The following IGFBPL1 variants were observed in gnomAD, a reference collection of about 807,000 sequenced individuals.
IGFBPL1 encodes insulin like growth factor binding protein like 1, also known as insulin-like growth factor-binding protein-like 1.
In IGFBPL1, 20 loss-of-function variants were observed where a neutral mutation model predicts 23.9. The observed-to-expected ratio is 0.84, with a 90% CI of 0.59 to 1.22. IGFBPL1 has a LOEUF of 1.22. Ranked by LOEUF, IGFBPL1 falls within the 50% of genes most tolerant of loss-of-function variation. The pLI is 0.00. For missense variants in IGFBPL1, 436 were observed against 379.3 expected (o/e 1.15, Z -1.24); for synonymous variants, 184 against 171.8 (o/e 1.07, Z -0.56).
Position 38,414,147 on chromosome 9 carries a change from C to A in IGFBPL1, c.517G>T (p.Gly173Cys). The A allele has an allele frequency of 6.2e-7, 1 of 1,612,542 alleles. No homozygotes were observed. The highest frequency in any genetic ancestry group is 1.1e-5 in the South Asian group (1 of 90,896). Reference protein sequence around the residue: ...SVHNVTGAQVGLSCEVRAVPT... With the variant: ...SVHNVTGAQVCLSCEVRAVPT... ...ACAGCCCTCACTTCACAGGACAGGC[C>A]CACCTGCGCCCCGGTGACGTTGTGA... The change falls in exon 2 of 5, where the codon GGC becomes TGC. Residue 173 changes from glycine to cysteine, a missense_variant. Gly to Cys is a radical substitution (Grantham distance 159). Coordinates refer to ENST00000377694, the MANE Select transcript of IGFBPL1 (RefSeq NM_001007563.3).
intron 1 of IGFBPL1, among the ~76,000 whole-genome samples, chr9:38,419,757 A>C (rs575412187): frequency 5.3e-5 from 8 of 152,222 alleles, no homozygotes; most frequent in Non-Finnish European, 1.2e-4. Context: ...CCACCTTACC[A>C]GTGAGAAGCT....
intron 1 of IGFBPL1, among the ~76,000 whole-genome samples, chr9:38,420,025 G>T (rs183163395): frequency 6.6e-6 from 1 of 152,258 alleles, no homozygotes; most frequent in East Asian, 1.9e-4. Context: ...AAGTAGCTGG[G>T]ACTACAGGCA....
intron 1 of IGFBPL1, among the ~76,000 whole-genome samples, chr9:38,419,638 C>T (rs1490886336): frequency 2.0e-5 from 3 of 152,076 alleles, no homozygotes; most frequent in Admixed American, 6.5e-5. Context: ...ACTTGCTGTC[C>T]GTAGGACCCC....
At chr9:38,419,885 C>CTT (rs755044718) in intron 1 of IGFBPL1, among the ~76,000 whole-genome samples, 3 of 130,720 alleles carry the variant, frequency 2.3e-5, no homozygotes, top group Admixed American at 8.0e-5. Flanking sequence ...TCCTCCTCCT[C>CTT]CTCCTCCTTC....
rs907316180 is a variant in IGFBPL1, at chr9:38,420,210, C to G, written c.460+3755G>C. Among the ~76,000 whole-genome samples, 5 of 152,200 alleles carry G rather than the reference C, an allele frequency of 3.3e-5. No individual in the cohort carries two copies. In the South Asian group the frequency reaches 1.0e-3, roughly 32 times the overall value. ...CACCCAAGGCTTGCAGTGGCCTACC[C>G]CAAACTACTCTGGGGTGTCATCTCC... On this transcript the variant is annotated intron_variant, in intron 1 of 4. Transcript: ENST00000377694.
In IGFBPL1 at chr9:38,408,053, G is replaced by T. The variant is rs1308383045; in HGVS notation, c.*1174C>A. On this transcript the variant is annotated 3_prime_UTR_variant, in exon 5 of 5. Transcript: ENST00000377694. ...ATTCCACAGTCTGGAGATAACACCT[G>T]ACCCCTTTTTTTACAATTTGATCGT... 6.6e-6 allele frequency among the ~76,000 whole-genome samples: 1 copy of T among 151,900 alleles called. No homozygotes were observed. The highest frequency in any genetic ancestry group is 1.5e-5 in the Non-Finnish European group (1 of 67,976).
intron 1 of IGFBPL1, among the ~76,000 whole-genome samples, chr9:38,422,589 C>T (rs1821695032): frequency 6.6e-6 from 1 of 152,218 alleles, no homozygotes; most frequent in Non-Finnish European, 1.5e-5. Flanking sequence ...TCCACTGGGG[C>T]TGATATGGCC....
chr9:38,411,253 T>C, intron 4 of IGFBPL1, 138 bp downstream of exon 4: 1 of 669,262 alleles, frequency 1.5e-6, no homozygotes, highest in Non-Finnish European at 2.5e-6. Flanking sequence ...CATCTAAGTA[T>C]GTCCCTACTC....
At chr9:38,414,753 C>G (rs1395686870) in intron 1 of IGFBPL1, among the ~76,000 whole-genome samples, 1 of 152,144 alleles carries the variant, frequency 6.6e-6, no homozygotes, top group Non-Finnish European at 1.5e-5. Context: ...CCCCAGGGCT[C>G]CCCCACTCCC....
At chr9:38,415,453 A>G (rs943350042) in intron 1 of IGFBPL1, among the ~76,000 whole-genome samples, 3 of 152,168 alleles carry the variant, frequency 2.0e-5, no homozygotes, top group Non-Finnish European at 2.9e-5. Context: ...TCACACCCCA[A>G]TGCTCAGGAG....
At chr9:38,416,721 C>G (rs1354959632) in intron 1 of IGFBPL1, among the ~76,000 whole-genome samples, 1 of 149,958 alleles carries the variant, frequency 6.7e-6, no homozygotes, top group Non-Finnish European at 1.5e-5. Flanking sequence ...TATCCTCAGA[C>G]TGGAATGAAG....
chr9:38,423,711 G>A (rs1821714865), intron 1 of IGFBPL1, among the ~76,000 whole-genome samples: 1 of 152,142 alleles, frequency 6.6e-6, no homozygotes. Context: ...ATAAGTGACT[G>A]CATCAGCAGG....
chr9:38,422,617 C>T (rs1028173724), intron 1 of IGFBPL1, among the ~76,000 whole-genome samples: 2 of 152,198 alleles, frequency 1.3e-5, no homozygotes, highest in African/African-American at 2.4e-5. Context: ...GGAAGGGACC[C>T]GTCCAGGGCC....
chr9:38,424,299 C>A lies in IGFBPL1; in HGVS notation c.126G>T (p.Arg42=). ...GGRRPKCGPC[R]PEGCPAPAPC... ...GCGCAGGCGCCGGGCAGCCCTCTGG[C>A]CGGCACGGACCACACTTGGGGCGCC... is the stretch of plus-strand genomic sequence containing the variant. The change falls in exon 1 of 5, where the codon CGG becomes CGT. Residue 42 remains arginine (R), a synonymous_variant. Coordinates refer to ENST00000377694, the MANE Select transcript of IGFBPL1 (RefSeq NM_001007563.3). The A allele has an allele frequency of 7.9e-7, 1 of 1,262,306 alleles. No homozygotes were observed. Among genetic ancestry groups the A allele is most frequent in the Non-Finnish European group, 1.0e-6 (1 of 971,898 alleles). The allele number at this position is 1,262,306 out of a possible 1,614,324, so 78.2% of individuals were successfully genotyped here. A position where few individuals can be genotyped will look rare whatever the true frequency, so the allele number is the denominator to read the frequency against.
At chr9:38,420,835 TCAAAA>T (rs1186111179) in intron 1 of IGFBPL1, among the ~76,000 whole-genome samples, 2 of 151,974 alleles carry the variant, frequency 1.3e-5, no homozygotes, top group Admixed American at 6.5e-5. Flanking sequence ...AGACTCTGTC[TCAAAA>T]CAAAACAAAA....
Position 38,408,221 on chromosome 9 carries a change from C to CTA in IGFBPL1, c.*1005_*1006insTA, listed in dbSNP as rs1821456427. ...TTGAGCATAGGAATTTGAGACCAGC[C>CTA]TGGGCGGCAACATAGGGAGACCCTG... On this transcript the variant is annotated 3_prime_UTR_variant, in exon 5 of 5. Transcript: ENST00000377694. Among the ~76,000 whole-genome samples, 3 of 132,386 alleles carry CTA rather than the reference C, an allele frequency of 2.3e-5. No individual in the cohort carries two copies. The highest frequency in any genetic ancestry group is 3.1e-5 in the Non-Finnish European group (2 of 64,462). The allele number at this position is 132,386 out of a possible 152,430, so 86.9% of individuals were successfully genotyped here.
chr9:38,417,329 C>T (rs957315458), intron 1 of IGFBPL1, among the ~76,000 whole-genome samples: 2 of 152,196 alleles, frequency 1.3e-5, no homozygotes, highest in African/African-American at 4.8e-5. Context: ...ACGTACACCA[C>T]CCTTTCATCC....
At chr9:38,414,033 T>TCACACTCACACA in intron 2 of IGFBPL1, 61 bp downstream of exon 2, 1 of 759,924 alleles carries the variant, frequency 1.3e-6, no homozygotes, top group South Asian at 1.6e-5. Flanking sequence ...TCCCTCTTTC[T>TCACACTCACACA]CACACACACA....
intron 3 of IGFBPL1, among the ~76,000 whole-genome samples, chr9:38,412,775 G>A (rs181076165): frequency 1.3e-5 from 2 of 152,286 alleles, no homozygotes; most frequent in Non-Finnish European, 2.9e-5. Context: ...CCTTGGCTGT[G>A]GCCCTTTCCA....
Sources: allele counts gnomAD v4.1 joint callset (sites outside exome capture counted in the v4.1 genomes callset), GRCh38; gene constraint gnomAD v4.1.1; transcripts MANE v1.5; gene names NCBI Gene and HGNC (gene_info 2026-07-23, HGNC 2026-07-21).